Variants in PRKCB observed in about 807,000 individuals in gnomAD.
The protein encoded by PRKCB is protein kinase C beta, also known as protein kinase C beta type.
Under a neutral mutation model 81.5 loss-of-function variants are expected in PRKCB, and 13 were observed. The observed-to-expected ratio is 0.16, with a 90% CI of 0.10 to 0.25. The LOEUF is 0.25. PRKCB is among the 10% of genes least tolerant of loss of function. PRKCB has a pLI of 1.00. For missense variants in PRKCB, 509 were observed against 875.7 expected, an observed-to-expected ratio of 0.58 and a Z score of 5.29; for synonymous variants, 335 against 321.4, an observed-to-expected ratio of 1.04 and a Z score of -0.45.
intron 8 of PRKCB, among the ~76,000 whole-genome samples, chr16:24,114,547 A>G (rs942165490): frequency 7.9e-5 from 12 of 152,202 alleles, no homozygotes; most frequent in Middle Eastern, 6.8e-3. Context: ...ACGGGGACAA[A>G]TAAACACCAT....
At chr16:24,209,655 T>A (rs1333418926) in intron 16 of PRKCB, among the ~76,000 whole-genome samples, 3 of 152,064 alleles carry the variant, frequency 2.0e-5, no homozygotes, top group African/African-American at 7.2e-5. Context: ...CACATCCGAA[T>A]GCATCTTTCC....
intron 8 of PRKCB, among the ~76,000 whole-genome samples, chr16:24,121,286 A>G (rs1248971325): frequency 6.6e-6 from 1 of 152,208 alleles, no homozygotes; most frequent in African/African-American, 2.4e-5. Flanking sequence ...ACGTTTTTTC[A>G]GAGTATCTGT....
At position 23,847,471 on chromosome 16, in the gene PRKCB, T is replaced by TCCATCCATCCATCCATCCAC. The variant is rs1555478120; in HGVS notation, c.205+10072_205+10073insTCCATCCATCCACCCATCCA. 4.2e-5 allele frequency among the ~76,000 whole-genome samples: 6 copies of TCCATCCATCCATCCATCCAC among 141,812 alleles called. 1 individual carries two copies. Among genetic ancestry groups the TCCATCCATCCATCCATCCAC allele is most frequent in the Admixed American group, 1.4e-4 (2 of 14,278 alleles). 93.0% of individuals were successfully genotyped at this position (141,812 alleles called of 152,430 possible). ...ATCCATCCATCCATCCATCCATCCA[T>TCCATCCATCCATCCATCCAC]CCATCCACCCAGCTATTCTTCCATT... On this transcript the variant is annotated intron_variant, in intron 2 of 16. Transcript: ENST00000643927.
At chr16:23,917,357 G>A (rs757389785) in intron 2 of PRKCB, among the ~76,000 whole-genome samples, 7 of 152,206 alleles carry the variant, frequency 4.6e-5, no homozygotes, top group African/African-American at 9.6e-5. Flanking sequence ...GATTACTGGC[G>A]TGAGCCACCA....
At chr16:24,096,668 T>A (rs8062317) in intron 7 of PRKCB, among the ~76,000 whole-genome samples, 2,590 of 12,734 alleles carry the variant, frequency 0.2, 26 homozygotes, top group Non-Finnish European at 0.24. Flanking sequence ...AAAAAAAAAA[T>A]ATATATATAT....
chr16:24,160,957 G>A (rs532662668), intron 10 of PRKCB, among the ~76,000 whole-genome samples: 5 of 152,032 alleles, frequency 3.3e-5, no homozygotes, highest in South Asian at 2.1e-4. Flanking sequence ...GTGTCGCCCC[G>A]GTGGATTGTC....
intron 15 of PRKCB, among the ~76,000 whole-genome samples, chr16:24,188,032 G>T (rs188784698): frequency 3.9e-5 from 6 of 152,222 alleles, no homozygotes; most frequent in Admixed American, 2.6e-4. Context: ...CCCTTCACAC[G>T]CCCGCCCTGC....
chr16:24,107,721 C>T (rs1301453665), intron 7 of PRKCB, among the ~76,000 whole-genome samples: 1 of 152,198 alleles, frequency 6.6e-6, no homozygotes, highest in Non-Finnish European at 1.5e-5. Flanking sequence ...CTGCCCGCTG[C>T]GCCAGGCACT....
chr16:24,135,248 C>T (rs896392056), intron 9 of PRKCB, among the ~76,000 whole-genome samples: 2 of 151,604 alleles, frequency 1.3e-5, no homozygotes, highest in African/African-American at 2.4e-5. Context: ...GGGTGCTTAA[C>T]TACCATGCTC....
At chr16:24,052,682 T>C (rs1965857736) in intron 5 of PRKCB, among the ~76,000 whole-genome samples, 1 of 152,226 alleles carries the variant, frequency 6.6e-6, no homozygotes, top group African/African-American at 2.4e-5. Context: ...GAGTGTCTCT[T>C]AGCATGCTAA....
In PRKCB at chr16:24,139,151, C is replaced by T. The variant is rs144182100; in HGVS notation, c.1065+15170C>T. Among the ~76,000 whole-genome samples, 801 of 151,006 alleles carry T rather than the reference C, an allele frequency of 5.3e-3. 5 individuals are homozygous for T. The highest frequency in any genetic ancestry group is 0.018 in the African/African-American group (742 of 40,626). On this transcript the variant is annotated intron_variant, in intron 9 of 16. Coordinates refer to ENST00000643927, the MANE Select transcript of PRKCB (RefSeq NM_002738.7). ...ACAGGCGTGAGCCACCGTGCCTGGC[C>T]CCAGTATTTGTCTTTTGGTGTCTGG...
At chr16:24,210,714 G>A (rs1968126418) in intron 16 of PRKCB, among the ~76,000 whole-genome samples, 1 of 152,050 alleles carries the variant, frequency 6.6e-6, no homozygotes, top group African/African-American at 2.4e-5. Context: ...TGCCCAGGCT[G>A]GTCATGAATT....
At chr16:24,143,424 G>A (rs1178082928) in intron 9 of PRKCB, among the ~76,000 whole-genome samples, 2 of 152,006 alleles carry the variant, frequency 1.3e-5, no homozygotes, top group Non-Finnish European at 2.9e-5. Flanking sequence ...GAGTCACCGT[G>A]CCCGGCCGAG....
chr16:24,124,766 A>C (rs372949105), intron 9 of PRKCB, among the ~76,000 whole-genome samples: 1 of 152,194 alleles, frequency 6.6e-6, no homozygotes, highest in Non-Finnish European at 1.5e-5. Context: ...TGCAAAAAAT[A>C]TAAATTTCTT....
chr16:24,068,477 G>GA (rs530701855), intron 5 of PRKCB, among the ~76,000 whole-genome samples: 12,975 of 115,916 alleles, frequency 0.11, 707 homozygotes, highest in African/African-American at 0.16. Flanking sequence ...TGGCCCAAAG[G>GA]AAAAAAAAAA....
chr16:24,105,400 T>G (rs550908659), intron 7 of PRKCB, among the ~76,000 whole-genome samples: 1 of 152,084 alleles, frequency 6.6e-6, no homozygotes, highest in African/African-American at 2.4e-5. Context: ...AGCTCTGGGA[T>G]ACATGAACAG....
intron 2 of PRKCB, among the ~76,000 whole-genome samples, chr16:23,852,896 A>ACTGAGG (rs1962498334): frequency 6.6e-6 from 1 of 152,258 alleles, no homozygotes; most frequent in Admixed American, 6.5e-5. Context: ...GCTTTAAGTT[A>ACTGAGG]CTGAGGCTGA....
At chr16:24,079,250 A>C (rs1166068302) in intron 5 of PRKCB, among the ~76,000 whole-genome samples, 2 of 152,178 alleles carry the variant, frequency 1.3e-5, no homozygotes, top group Admixed American at 6.6e-5. Context: ...GCCTGCACCC[A>C]GGTGAAATAA....
intron 4 of PRKCB, among the ~76,000 whole-genome samples, chr16:24,034,448 A>G (rs750830252): frequency 6.6e-6 from 1 of 152,236 alleles, no homozygotes; most frequent in African/African-American, 2.4e-5. Context: ...GGAGTGGGGC[A>G]TTATTGCTCA....
Sources: gnomAD v4.1 joint callset for allele counts (sites outside exome capture counted in the v4.1 genomes callset) on GRCh38, gnomAD v4.1.1 for gene constraint, MANE v1.5 for transcripts, NCBI Gene and HGNC (gene_info 2026-07-23, HGNC 2026-07-21) for gene names.